MED14: variants seen among roughly 807,000 people sequenced by gnomAD.
MED14 encodes mediator of RNA polymerase II transcription subunit 14.
MED14 carries 8 observed loss-of-function variants against 109.0 expected under a neutral mutation model. The ratio of observed to expected loss-of-function variants is 0.07; its 90% CI spans 0.04 to 0.13. MED14 has a LOEUF of 0.13. MED14 is among the 10% of genes least tolerant of loss of function. The pLI, the probability that MED14 is intolerant of heterozygous loss-of-function variation, is 1.00. For synonymous variants in MED14, 399 were observed against 408.7 expected (o/e 0.98, Z 0.29); for missense variants, 711 against 1,142.4 (o/e 0.62, Z 5.44).
In MED14 at chrX:40,713,813, G is replaced by A. The variant is rs1889085166; in HGVS notation, c.617C>T (p.Thr206Ile). The A allele has an allele frequency of 1.7e-6, 2 of 1,210,977 alleles. No individual in the cohort carries two copies. The highest frequency in any genetic ancestry group is 2.2e-6 in the Non-Finnish European group (2 of 894,789). The change falls in exon 5 of 31, where the codon ACA (threonine) becomes ATA (isoleucine). Residue 206 changes from threonine (T) to isoleucine (I), a missense_variant. By Grantham distance (89) the Thr-to-Ile change is moderately conservative. Coordinates refer to ENST00000324817, the MANE Select transcript of MED14 (RefSeq NM_004229.4). ...ATTTGCTAACTGAGGAGGAAGATCT[G>A]TGGTTACAAGCCGATGTCTAAGAAT... is the stretch of plus-strand genomic sequence containing the variant. ...NQILRHRLVTTDLPPQLANLT... is the reference protein window; with the variant it reads ...NQILRHRLVTIDLPPQLANLT...
chrX:40,701,193 G>A lies in MED14; in HGVS notation c.1462C>T (p.Arg488Ter). ...AGTTGCTGAATCCAGGGTATGATTC[G>A]TTTCATATCATCATTCACAGACTTC... ...MEKSVNDDMK[R>*]IIPWIQQLKF... Residue 488 changes from arginine to a stop codon, truncating the protein, a stop_gained, in exon 12 of 31, where the codon CGA becomes TGA. Coordinates refer to ENST00000324817, the MANE Select transcript of MED14 (RefSeq NM_004229.4). LOFTEE classifies it high-confidence loss of function. The A allele has an allele frequency of 8.3e-7, 1 of 1,207,030 alleles. No homozygotes were observed. The highest frequency in any genetic ancestry group is 1.1e-6 in the Non-Finnish European group (1 of 892,045).
intron 3 of MED14, among the ~76,000 whole-genome samples, chrX:40,717,077 T>C (rs1294710975): frequency 1.8e-5 from 2 of 111,213 alleles, no homozygotes; most frequent in Non-Finnish European, 3.8e-5. Flanking sequence ...CAGTATTTAA[T>C]AGTAGAGTAG....
intron 30 of MED14, among the ~76,000 whole-genome samples, 189 bp from the exon 31 acceptor site, chrX:40,652,068 A>AT (rs1271762480): frequency 2.7e-5 from 3 of 111,684 alleles, no homozygotes; most frequent in Non-Finnish European, 5.7e-5. Context: ...TTTGGTTTGG[A>AT]TTTTTTTTCT....
At position 40,649,627 on chromosome X, in the gene MED14, G is replaced by C; in HGVS notation, c.*2179C>G. On this transcript the variant is annotated 3_prime_UTR_variant, in exon 31 of 31. Coordinates refer to ENST00000324817, the MANE Select transcript of MED14 (RefSeq NM_004229.4). Reference sequence around the variant, plus strand: ...ACACCTTAAAGTTAAGTCCCAACCCGATTATTAGAGAAAATCACTTGGGCA... The same window carrying C: ...ACACCTTAAAGTTAAGTCCCAACCCCATTATTAGAGAAAATCACTTGGGCA... 1.1e-6 allele frequency: 1 copy of C among 941,750 alleles called. No individual in the cohort carries two copies. The highest frequency in any genetic ancestry group is 1.4e-6 in the Non-Finnish European group (1 of 739,863). 77.6% of individuals were successfully genotyped at this position (941,750 alleles called of 1,213,427 possible). A position where few individuals can be genotyped will look rare whatever the true frequency, so the allele number is the denominator to read the frequency against.
At chrX:40,713,320 A>C (rs1369618213) in intron 5 of MED14, among the ~76,000 whole-genome samples, 1 of 111,825 alleles carries the variant, frequency 8.9e-6, no homozygotes, top group East Asian at 2.8e-4. Flanking sequence ...CAAGCTGCAA[A>C]TACCAGCACT....
At chrX:40,658,388 G>A (rs892360615) in intron 28 of MED14, among the ~76,000 whole-genome samples, 2 of 111,255 alleles carry the variant, frequency 1.8e-5, no homozygotes, top group African/African-American at 6.5e-5. Flanking sequence ...CACCGCACCC[G>A]GCCTGCACTT....
intron 23 of MED14, 117 bp from the exon 24 acceptor site, chrX:40,666,968 T>C: frequency 1.7e-6 from 1 of 590,795 alleles, no homozygotes; most frequent in South Asian, 4.4e-5. Context: ...AGCTCCCATA[T>C]ATATAACACA....
chrX:40,681,951 G>T lies in MED14; in HGVS notation c.2366-8C>A. 1.1e-6 allele frequency: 1 copy of T among 940,979 alleles called. No individual in the cohort carries two copies. Among genetic ancestry groups the T allele is most frequent in the Non-Finnish European group, 1.5e-6 (1 of 686,313 alleles). The allele number at this position is 940,979 out of a possible 1,213,427, so 77.5% of individuals were successfully genotyped here. A position where few individuals can be genotyped will look rare whatever the true frequency, so the allele number is the denominator to read the frequency against. On this transcript the variant is annotated splice_region_variant and splice_polypyrimidine_tract_variant and intron_variant, in intron 18 of 30. Coordinates refer to ENST00000324817, the MANE Select transcript of MED14 (RefSeq NM_004229.4). ...TTAGATGAGCAGGTATGTCTAAACA[G>T]AAGGAAACAAAAAGGAGATTAATAT...
chrX:40,704,606 A>G (rs1481485536), intron 10 of MED14, among the ~76,000 whole-genome samples: 1 of 112,542 alleles, frequency 8.9e-6, no homozygotes, highest in Non-Finnish European at 1.9e-5. Flanking sequence ...TGACAAATGT[A>G]TATTATCTAT....
chrX:40,651,622 A>C lies in MED14; in HGVS notation c.*184T>G. 1 of 1,035,161 alleles carries C rather than the reference A, an allele frequency of 9.7e-7. No homozygotes were observed. The highest frequency in any genetic ancestry group is 1.2e-6 in the Non-Finnish European group (1 of 809,738). 85.3% of individuals were successfully genotyped at this position (1,035,161 alleles called of 1,213,427 possible). ...CCATTTAAACACACTATACAAGTTCATTATACAAAAGATGGATGATCATTT... is the reference window on the plus strand; with the variant it reads ...CCATTTAAACACACTATACAAGTTCCTTATACAAAAGATGGATGATCATTT... On this transcript the variant is annotated 3_prime_UTR_variant, in exon 31 of 31. Coordinates refer to ENST00000324817, the MANE Select transcript of MED14 (RefSeq NM_004229.4).
In MED14 at chrX:40,709,356, T is replaced by C. The variant is rs770241799; in HGVS notation, c.1277A>G (p.Asn426Ser). 1.9e-6 allele frequency: 2 copies of C among 1,042,874 alleles called. No individual in the cohort carries two copies. Among genetic ancestry groups the C allele is most frequent in the Non-Finnish European group, 2.6e-6 (2 of 779,366 alleles). 85.9% of individuals were successfully genotyped at this position (1,042,874 alleles called of 1,213,427 possible). A position where few individuals can be genotyped will look rare whatever the true frequency, so the allele number is the denominator to read the frequency against. The change falls in exon 10 of 31, where the codon AAT (asparagine) becomes AGT (serine). Residue 426 changes from asparagine (N) to serine (S), a missense_variant. Physicochemically the swap from Asn to Ser is conservative, Grantham distance 46 (BLOSUM62 1). Around this residue, in one of 8 missense-constraint regions of MED14, gnomAD observed 388 missense variants for 517.3 expected, o/e 0.75. Coordinates refer to ENST00000324817, the MANE Select transcript of MED14 (RefSeq NM_004229.4). The stretch of plus-strand genomic sequence containing the variant: ...AATTTAAAAGAACCTACAGTTTTCA[T>C]TGGCATTGAAGCCTCTAAGAATGGC... The part of the protein sequence containing the change: ...LKAILRGFNA[N>S]ENSSIETALP...
chrX:40,713,207 A>C (rs1931393241), intron 5 of MED14, among the ~76,000 whole-genome samples, 165 bp from the exon 6 acceptor site: 1 of 112,006 alleles, frequency 8.9e-6, no homozygotes, highest in Non-Finnish European at 1.9e-5. Flanking sequence ...AGAAGTAGCC[A>C]GCTTCCAGGT....
intron 11 of MED14, among the ~76,000 whole-genome samples, 178 bp from the exon 12 acceptor site, chrX:40,701,421 G>C (rs1174181547): frequency 8.9e-6 from 1 of 111,833 alleles, no homozygotes; most frequent in African/African-American, 3.2e-5. Flanking sequence ...AACCTAATTT[G>C]TTTTCCCTCT....
chrX:40,661,148 C>A (rs181081326), intron 26 of MED14, among the ~76,000 whole-genome samples: 1 of 112,538 alleles, frequency 8.9e-6, no homozygotes, highest in Non-Finnish European at 1.9e-5. Flanking sequence ...GTGGCACGAT[C>A]TCGGCTCACT....
chrX:40,726,794 T>C lies in MED14; in HGVS notation c.300A>G (p.Leu100=). 1 of 1,209,555 alleles carries C rather than the reference T, an allele frequency of 8.3e-7. No homozygotes were observed. Among genetic ancestry groups the C allele is most frequent in the Non-Finnish European group, 1.1e-6 (1 of 894,492 alleles). ...CATTATTAGCCCATTTCACTAAAGC[T>C]AATAATCGAACGAAGAGTTGGCGTG... ...SRTRQLFVRL[L]ALVKWANNAG... is the part of the protein sequence containing the mutation. The change falls in exon 3 of 31, where the codon TTA becomes TTG. Residue 100 remains leucine, a synonymous_variant. Coordinates refer to ENST00000324817, the MANE Select transcript of MED14 (RefSeq NM_004229.4).
At chrX:40,681,087 A>ACT (rs1235191007) in intron 19 of MED14, among the ~76,000 whole-genome samples, 177 bp from the exon 20 acceptor site, 5 of 112,834 alleles carry the variant, frequency 4.4e-5, no homozygotes, top group Non-Finnish European at 9.4e-5. Context: ...AATATTGAAC[A>ACT]GTACACTCCC....
chrX:40,684,798 C>T (rs775848564), intron 16 of MED14, among the ~76,000 whole-genome samples: 10 of 112,366 alleles, frequency 8.9e-5, no homozygotes, highest in Admixed American at 4.7e-4. Context: ...GAACTAACAT[C>T]AGTGTAAGCC....
intron 29 of MED14, 58 bp from the exon 30 acceptor site, chrX:40,654,614 T>C: frequency 9.1e-7 from 1 of 1,094,194 alleles, no homozygotes; most frequent in Non-Finnish European, 1.2e-6. Context: ...TCTGTCTAAA[T>C]GTATCAAAGG....
At chrX:40,727,680 A>G (rs1292233074) in intron 2 of MED14, among the ~76,000 whole-genome samples, 6 of 111,505 alleles carry the variant, frequency 5.4e-5, no homozygotes, top group African/African-American at 2.0e-4. Flanking sequence ...ACACTGAAAA[A>G]AATATTCAAC....
Sources: allele counts gnomAD v4.1 joint callset (sites outside exome capture counted in the v4.1 genomes callset), GRCh38; gene constraint gnomAD v4.1.1; regional missense constraint gnomAD v4.1.1; transcripts MANE v1.5; gene names NCBI Gene and HGNC (gene_info 2026-07-23, HGNC 2026-07-21).